Variants in AFAP1L2 observed in about 807,000 individuals in gnomAD.
AFAP1L2 encodes the protein actin filament-associated protein 1-like 2.
In AFAP1L2, 46 loss-of-function variants were observed where a neutral mutation model predicts 99.3. That is an observed-to-expected ratio of 0.46 (90% CI 0.37 to 0.59). The LOEUF (loss-of-function observed/expected upper bound fraction) is 0.59, where lower values mean the gene tolerates loss of function less well. Ranked by LOEUF, AFAP1L2 falls within the 20% of genes least tolerant of loss-of-function variation. The pLI, the probability that AFAP1L2 is intolerant of heterozygous loss-of-function variation, is 0.00. For missense variants in AFAP1L2, 959 were observed against 1,034.9 expected (o/e 0.93, Z 1.01); for synonymous variants, 397 against 419.1 (o/e 0.95, Z 0.64).
intron 10 of AFAP1L2, among the ~76,000 whole-genome samples, chr10:114,307,402 G>C (rs143687536): frequency 1.3e-5 from 2 of 151,988 alleles, no homozygotes; most frequent in Non-Finnish European, 2.9e-5. Context: ...GGCACAGTGC[G>C]TGCTTATGGG....
rs1393396633 is a variant in AFAP1L2 at position 114,296,171 on chromosome 10, A to AT, written c.2431-104dup. ...ACATAGAAAAAATGTGAGAAAAACT[A>AT]TTTTAGGCACAGAGGTGATAAATGT... On this transcript the variant is annotated intron_variant, in intron 18 of 18. Transcript: ENST00000304129. 4 of 1,489,302 alleles carry AT rather than the reference A, an allele frequency of 2.7e-6. No homozygotes were observed. The East Asian group carries it at 6.8e-5, about 25-fold the overall frequency. The allele number at this position is 1,489,302 out of a possible 1,614,324, so 92.3% of individuals were successfully genotyped here.
chr10:114,281,673 CCAGATA>C, the AFAP1L2 span: 1 of 948,798 alleles, frequency 1.1e-6, no homozygotes, highest in African/African-American at 1.8e-5. Flanking sequence ...GTTGTGTGGA[CCAGATA>C]GTAGCAGCAC....
chr10:114,351,053 G>A (rs1293997367), intron 1 of AFAP1L2, among the ~76,000 whole-genome samples: 1 of 152,196 alleles, frequency 6.6e-6, no homozygotes, highest in African/African-American at 2.4e-5. Context: ...TCCCTGCGCG[G>A]CAAGTCCCAC....
chr10:114,394,839 A>G (rs1183975433), intron 1 of AFAP1L2, among the ~76,000 whole-genome samples: 1 of 152,118 alleles, frequency 6.6e-6, no homozygotes, highest in Non-Finnish European at 1.5e-5. Context: ...GACTCCTGGG[A>G]GACATGAGTC....
At chr10:114,337,980 C>T (rs545349731) in intron 2 of AFAP1L2, among the ~76,000 whole-genome samples, 5 of 152,162 alleles carry the variant, frequency 3.3e-5, no homozygotes, top group Admixed American at 2.6e-4. Flanking sequence ...GCACTCCCGG[C>T]GGCAGGCGGG....
chr10:114,337,985 G>A (rs554078861), intron 2 of AFAP1L2, among the ~76,000 whole-genome samples: 1 of 152,340 alleles, frequency 6.6e-6, no homozygotes, highest in South Asian at 2.1e-4. Flanking sequence ...CCCGGCGGCA[G>A]GCGGGCGGAC....
chr10:114,331,794 G>T lies in AFAP1L2; in HGVS notation c.315+9C>A, dbSNP rs2047275714. On this transcript the variant is annotated intron_variant, in intron 4 of 18. Transcript: ENST00000304129. ...TCAGGGAAATCAGGGGTCCTGAACT[G>T]ATGCTTACCATCTTGGGTGGCGGGA... The T allele has an allele frequency of 6.5e-6, 9 of 1,380,442 alleles. No individual in the cohort carries two copies. The highest frequency in any genetic ancestry group is 8.5e-6 in the Non-Finnish European group (9 of 1,061,378). 85.5% of individuals were successfully genotyped at this position (1,380,442 alleles called of 1,614,324 possible).
chr10:114,373,573 G>A (rs1002119983), intron 1 of AFAP1L2, among the ~76,000 whole-genome samples: 5 of 151,860 alleles, frequency 3.3e-5, no homozygotes, highest in South Asian at 2.1e-4. Flanking sequence ...TGCAGTGAGC[G>A]GGGATTGTGC....
downstream of AFAP1L2, chr10:114,291,453 G>A (rs2039590529): frequency 7.1e-6 from 4 of 560,032 alleles, no homozygotes; most frequent in Non-Finnish European, 1.2e-5. Context: ...AGCAGCTGAT[G>A]TCACCCACAA....
chr10:114,311,157 C>T (rs930667252), intron 7 of AFAP1L2, among the ~76,000 whole-genome samples: 8 of 152,054 alleles, frequency 5.3e-5, no homozygotes, highest in South Asian at 2.1e-4. Flanking sequence ...AGGCTGGGTC[C>T]GGAAAAGGAT....
chr10:114,338,878 C>A (rs569878955), intron 2 of AFAP1L2, among the ~76,000 whole-genome samples: 2 of 152,276 alleles, frequency 1.3e-5, no homozygotes, highest in South Asian at 4.1e-4. Flanking sequence ...GCACTTTATA[C>A]GTAAATGATC....
rs926037382 is a variant in AFAP1L2, at chr10:114,363,132, A to G, written c.17-22401T>C. 9 of 985,304 alleles carry G rather than the reference A, an allele frequency of 9.1e-6. No individual in the cohort carries two copies. The African/African-American group carries it at 1.6e-4, about 17-fold the overall frequency. The allele number at this position is 985,304 out of a possible 1,614,324, so 61.0% of individuals were successfully genotyped here. A position where few individuals can be genotyped will look rare whatever the true frequency, so the allele number is the denominator to read the frequency against. On this transcript the variant is annotated intron_variant, in intron 1 of 18. Coordinates refer to ENST00000304129, the MANE Select transcript of AFAP1L2 (RefSeq NM_001001936.3). ...CTGGGCGTCGTCATCTTGCAGGAGCAGGTTCTGAACACATAAGCAGCAAAC... is the reference window on the plus strand; with the variant it reads ...CTGGGCGTCGTCATCTTGCAGGAGCGGGTTCTGAACACATAAGCAGCAAAC...
At position 114,331,488 on chromosome 10, in the gene AFAP1L2, G is replaced by T. The variant is rs189614618; in HGVS notation, c.315+315C>A. Among the ~76,000 whole-genome samples, 320 of 152,228 alleles carry T rather than the reference G, an allele frequency of 2.1e-3. 1 individual carries two copies. The highest frequency in any genetic ancestry group is 7.4e-3 in the African/African-American group (308 of 41,530). On this transcript the variant is annotated intron_variant, in intron 4 of 18. Transcript: ENST00000304129. The stretch of plus-strand genomic sequence containing the variant: ...TGCAAATTTTTTAAAGGTCACTGTG[G>T]TCTAGGCTGGTGACCACAGCTGTTC...
intron 1 of AFAP1L2, chr10:114,393,572 C>T (rs2057374064): frequency 6.6e-6 from 1 of 152,162 alleles, no homozygotes; most frequent in Non-Finnish European, 1.5e-5. Flanking sequence ...GAGTAGAGAC[C>T]TGGAGGCTGG....
chr10:114,349,332 C>T (rs940764894), intron 1 of AFAP1L2, among the ~76,000 whole-genome samples: 69 of 147,126 alleles, frequency 4.7e-4, no homozygotes, highest in African/African-American at 1.7e-3. Context: ...GAGCCGAGAT[C>T]GCACCATTGC....
At chr10:114,290,377 T>C (rs755283749), downstream of AFAP1L2, 38 of 1,550,254 alleles carry the variant, frequency 2.5e-5, no homozygotes, top group African/African-American at 1.4e-5. Flanking sequence ...TGAGTGGAGC[T>C]CTTGCTCTGT....
chr10:114,400,492 G>A (rs956763677), intron 1 of AFAP1L2, among the ~76,000 whole-genome samples: 3 of 152,168 alleles, frequency 2.0e-5, no homozygotes, highest in Non-Finnish European at 4.4e-5. Context: ...ATTTGAGATC[G>A]TTTTTAAGCA....
the AFAP1L2 span, among the ~76,000 whole-genome samples, chr10:114,283,547 C>A: frequency 6.6e-6 from 1 of 152,164 alleles, no homozygotes; most frequent in Admixed American, 6.5e-5. Context: ...TGAGGACTTC[C>A]GGTTTGGAAA....
intron 1 of AFAP1L2, among the ~76,000 whole-genome samples, chr10:114,370,666 G>A (rs1250210189): frequency 1.3e-5 from 2 of 152,236 alleles, no homozygotes; most frequent in Admixed American, 6.5e-5. Context: ...CTGTAAGACT[G>A]TTTTGGGGCC....
Sources: allele counts gnomAD v4.1 joint callset (sites outside exome capture counted in the v4.1 genomes callset), GRCh38; gene constraint gnomAD v4.1.1; transcripts MANE v1.5; gene names NCBI Gene and HGNC (gene_info 2026-07-23, HGNC 2026-07-21).